Variants in NRXN1 observed in about 807,000 individuals in gnomAD.
NRXN1 encodes the protein neurexin 1, also known as neurexin-1.
A neutral mutation model predicts 150.9 loss-of-function variants in NRXN1; 39 were observed. That is an observed-to-expected ratio of 0.26 (90% CI 0.20 to 0.34). NRXN1 has a LOEUF of 0.34. Among genes scored for constraint, NRXN1 ranks in the 10% least tolerant of loss-of-function variants. NRXN1 has a pLI of 1.00. For synonymous variants in NRXN1, 924 were observed against 757.0 expected, an observed-to-expected ratio of 1.22 and a Z score of -3.62; for missense variants, 1,815 against 1,949.9, an observed-to-expected ratio of 0.93 and a Z score of 1.30.
rs373770713 is a variant in NRXN1 at position 50,473,290 on chromosome 2, A to C, written c.3071-819T>G. Among the ~76,000 whole-genome samples the C allele has an allele frequency of 5.9e-5, 9 of 151,920 alleles. No individual in the cohort carries two copies. In the South Asian group the frequency reaches 1.9e-3, roughly 31 times the overall value. ...ATTTTATTGCAGTTTCTAATGGAAG[A>C]CATTGCTTAGCTTTGTTTAACTTTT... On this transcript the variant is annotated intron_variant, in intron 15 of 22. Transcript: ENST00000401669.
intron 5 of NRXN1, among the ~76,000 whole-genome samples, chr2:50,871,136 C>T (rs1215384613): frequency 2.0e-5 from 3 of 151,536 alleles, no homozygotes; most frequent in Non-Finnish European, 3.0e-5. Flanking sequence ...TGAATTGTTC[C>T]GAAACAATAA....
chr2:50,506,318 A>G (rs1320931034), intron 13 of NRXN1, among the ~76,000 whole-genome samples, 177 bp downstream of exon 13: 1 of 152,144 alleles, frequency 6.6e-6, no homozygotes, highest in Non-Finnish European at 1.5e-5. Context: ...ATTTTTGAGG[A>G]AAAACACCTA....
At chr2:50,618,546 A>G (rs913928504) in intron 8 of NRXN1, among the ~76,000 whole-genome samples, 1 of 152,056 alleles carries the variant, frequency 6.6e-6, no homozygotes, top group African/African-American at 2.4e-5. Context: ...TAACTATGGT[A>G]GTTAAGAGCA....
intron 3 of NRXN1, 38 bp from the exon 4 acceptor site, chr2:50,922,725 G>T: frequency 6.2e-7 from 1 of 1,605,306 alleles, no homozygotes; most frequent in East Asian, 2.3e-5. Flanking sequence ...CAATAAACAA[G>T]GGAGCATGGG....
intron 17 of NRXN1, among the ~76,000 whole-genome samples, chr2:50,335,073 C>T (rs1345117440): frequency 2.6e-5 from 4 of 152,136 alleles, no homozygotes; most frequent in Non-Finnish European, 4.4e-5. Context: ...AATAAAGTTG[C>T]TTCAAACTAG....
At chr2:50,283,568 G>A (rs531550232) in intron 17 of NRXN1, among the ~76,000 whole-genome samples, 2 of 152,024 alleles carry the variant, frequency 1.3e-5, no homozygotes, top group South Asian at 4.1e-4. Flanking sequence ...AATGAAGAAC[G>A]CATTGACACA....
intron 5 of NRXN1, among the ~76,000 whole-genome samples, chr2:50,856,269 G>A (rs1309175389): frequency 6.6e-6 from 1 of 151,906 alleles, no homozygotes; most frequent in Non-Finnish European, 1.5e-5. Context: ...AGGACCTTCA[G>A]GGGATTATCA....
At chr2:50,211,454 T>A (rs1442553510) in intron 18 of NRXN1, among the ~76,000 whole-genome samples, 1 of 151,570 alleles carries the variant, frequency 6.6e-6, no homozygotes, top group Admixed American at 6.6e-5. Flanking sequence ...AATTCCTATA[T>A]CAACAGACTA....
intron 5 of NRXN1, among the ~76,000 whole-genome samples, chr2:50,884,958 T>C (rs1181482249): frequency 1.3e-5 from 2 of 151,628 alleles, no homozygotes; most frequent in African/African-American, 4.8e-5. Flanking sequence ...TCTTTGCAAA[T>C]AACTTGTGGA....
intron 9 of NRXN1, among the ~76,000 whole-genome samples, chr2:50,548,955 A>G (rs901846106): frequency 6.6e-6 from 1 of 152,172 alleles, no homozygotes; most frequent in African/African-American, 2.4e-5. Flanking sequence ...GCTAAGGAAT[A>G]TTCCAGGCAA....
At chr2:50,474,683 CAAAAAAAAAAA>C (rs754558377) in intron 15 of NRXN1, among the ~76,000 whole-genome samples, 1 of 54,992 alleles carries the variant, frequency 1.8e-5, no homozygotes, top group Non-Finnish European at 3.1e-5. Flanking sequence ...ACAGAAATAG[CAAAAAAAAAAA>C]AAAAAAAAAA....
intron 2 of NRXN1, among the ~76,000 whole-genome samples, chr2:50,976,194 C>CTT (rs576892115): frequency 1.2e-4 from 17 of 139,792 alleles, no homozygotes; most frequent in South Asian, 4.6e-4. Context: ...TTATGTTATT[C>CTT]TTTTTTTTTT....
intron 18 of NRXN1, among the ~76,000 whole-genome samples, chr2:50,202,697 G>A (rs201273626): frequency 6.6e-6 from 1 of 152,062 alleles, no homozygotes; most frequent in African/African-American, 2.4e-5. Context: ...TATTAAGGAG[G>A]AGATGATATA....
intron 18 of NRXN1, among the ~76,000 whole-genome samples, chr2:50,125,727 T>C (rs1258789534): frequency 6.6e-6 from 1 of 152,068 alleles, no homozygotes; most frequent in East Asian, 1.9e-4. Flanking sequence ...GGATAGAGAT[T>C]AGCAATAAAG....
rs1046999724 is a variant in NRXN1, at chr2:50,103,400, G to A, written c.3547-11906C>T. Among the ~76,000 whole-genome samples, 6 of 151,850 alleles carry A rather than the reference G, an allele frequency of 4.0e-5. No individual in the cohort carries two copies. In the East Asian group the frequency reaches 9.7e-4, roughly 24 times the overall value. On this transcript the variant is annotated intron_variant, in intron 18 of 22. Transcript: ENST00000401669. ...TTTTTCAAGTACCCTCCTTAAATTG[G>A]TAGAAGAATGCAAAGTTTTCACCCT...
At chr2:50,635,882 C>T (rs887730197) in intron 5 of NRXN1, among the ~76,000 whole-genome samples, 1 of 152,118 alleles carries the variant, frequency 6.6e-6, no homozygotes, top group African/African-American at 2.4e-5. Context: ...ATGAAGGCTA[C>T]TTAAATTCTT....
rs945576736 is a variant in NRXN1, at chr2:50,863,615, A to T, written c.832+58254T>A. 4.6e-5 allele frequency among the ~76,000 whole-genome samples: 7 copies of T among 152,028 alleles called. No individual in the cohort carries two copies. The South Asian group carries it at 1.2e-3, about 27-fold the overall frequency. ...ACACTTTTTGAGACTTTAATAAAAAAGCTTTTTACAGTATTTCTCCTAAAA... is the reference window on the plus strand; with the variant it reads ...ACACTTTTTGAGACTTTAATAAAAATGCTTTTTACAGTATTTCTCCTAAAA... On this transcript the variant is annotated intron_variant, in intron 5 of 22. Coordinates refer to ENST00000401669, the MANE Select transcript of NRXN1 (RefSeq NM_001330078.2).
At chr2:50,808,262 C>A (rs1667767974) in intron 5 of NRXN1, among the ~76,000 whole-genome samples, 1 of 151,942 alleles carries the variant, frequency 6.6e-6, no homozygotes, top group Admixed American at 6.6e-5. Flanking sequence ...GATAAAGAAG[C>A]AATGAAAAAT....
chr2:50,335,953 A>C (rs1464847065), intron 17 of NRXN1, among the ~76,000 whole-genome samples: 1 of 150,980 alleles, frequency 6.6e-6, no homozygotes, highest in Non-Finnish European at 1.5e-5. Context: ...CTGTCACTTG[A>C]GGGGCAGCAG....
Sources: allele counts gnomAD v4.1 joint callset (sites outside exome capture counted in the v4.1 genomes callset), GRCh38; gene constraint gnomAD v4.1.1; transcripts MANE v1.5; gene names NCBI Gene and HGNC (gene_info 2026-07-23, HGNC 2026-07-21).